RAB7A: variants seen among roughly 807,000 people sequenced by gnomAD.
RAB7A encodes ras-related protein Rab-7a.
A neutral mutation model predicts 24.5 loss-of-function variants in RAB7A; 2 were observed. That is an observed-to-expected ratio of 0.08 (90% CI 0.03 to 0.26). The LOEUF (loss-of-function observed/expected upper bound fraction) is 0.26. Ranked by LOEUF, RAB7A falls within the 10% of genes least tolerant of loss-of-function variation. RAB7A has a pLI of 1.00. For synonymous variants in RAB7A, 100 were observed against 95.9 expected, an observed-to-expected ratio of 1.04 and a Z score of -0.25; for missense variants, 118 against 255.7, an observed-to-expected ratio of 0.46 and a Z score of 3.67.
intron 1 of RAB7A, among the ~76,000 whole-genome samples, chr3:128,756,495 CA>C (rs1559784293): frequency 6.6e-6 from 1 of 151,986 alleles, no homozygotes; most frequent in South Asian, 2.1e-4. Context: ...CAAAACATTG[CA>C]AAAAGAAATT....
intron 1 of RAB7A, among the ~76,000 whole-genome samples, chr3:128,762,244 G>A (rs1193833936): frequency 6.6e-6 from 1 of 152,148 alleles, no homozygotes; most frequent in Non-Finnish European, 1.5e-5. Context: ...AGACTTTCCT[G>A]TGTGAAGATT....
intron 2 of RAB7A, 150 bp downstream of exon 2, chr3:128,795,570 C>A: frequency 1.3e-6 from 1 of 752,300 alleles, no homozygotes; most frequent in Non-Finnish European, 2.4e-6. Context: ...TTTAGATGAT[C>A]CCTTGTTATA....
chr3:128,775,082 G>A (rs574499101), intron 1 of RAB7A, among the ~76,000 whole-genome samples: 6 of 152,316 alleles, frequency 3.9e-5, no homozygotes, highest in South Asian at 2.1e-4. Context: ...GCGCCCGGCC[G>A]ACATCCCTTC....
intron 1 of RAB7A, among the ~76,000 whole-genome samples, chr3:128,763,208 A>ATATATATTTTT (rs373993932): frequency 1.8e-4 from 14 of 76,060 alleles, no homozygotes; most frequent in African/African-American, 1.1e-3. Context: ...ATATATATAT[A>ATATATATTTTT]TTTTTTTTTT....
At chr3:128,772,825 C>T (rs1026238905) in intron 1 of RAB7A, among the ~76,000 whole-genome samples, 1 of 152,246 alleles carries the variant, frequency 6.6e-6, no homozygotes, top group Non-Finnish European at 1.5e-5. Context: ...CTCCTAACCG[C>T]GAGTGATCTG....
chr3:128,800,479 G>A (rs1933675335), intron 3 of RAB7A, among the ~76,000 whole-genome samples: 1 of 152,138 alleles, frequency 6.6e-6, no homozygotes, highest in South Asian at 2.1e-4. Flanking sequence ...ACCTTGGGGC[G>A]CTGCACTCTT....
intron 1 of RAB7A, among the ~76,000 whole-genome samples, chr3:128,772,705 CAATT>C (rs1250548623): frequency 6.6e-6 from 1 of 152,216 alleles, no homozygotes; most frequent in East Asian, 1.9e-4. Context: ...TTGGAAGACT[CAATT>C]AAGGGTTTAA....
At chr3:128,764,812 T>G in intron 1 of RAB7A, 3 of 922,586 alleles carry the variant, frequency 3.3e-6, no homozygotes, top group Non-Finnish European at 5.3e-6. Context: ...CTTCATCAGT[T>G]TCTCGGCATG....
At chr3:128,781,235 A>G in intron 1 of RAB7A, among the ~76,000 whole-genome samples, 1 of 152,216 alleles carries the variant, frequency 6.6e-6, no homozygotes, top group East Asian at 1.9e-4. Flanking sequence ...TTAAGTGCAT[A>G]TTTTTCATTT....
chr3:128,809,934 G>GTTTTTT (rs1231077081), intron 5 of RAB7A, among the ~76,000 whole-genome samples: 5 of 47,546 alleles, frequency 1.1e-4, no homozygotes, highest in East Asian at 5.6e-4. Flanking sequence ...TCTTGCCACA[G>GTTTTTT]TCTTTTTTTT....
intron 1 of RAB7A, among the ~76,000 whole-genome samples, chr3:128,785,877 G>C (rs1242368725): frequency 6.6e-6 from 1 of 151,866 alleles, no homozygotes; most frequent in Admixed American, 6.6e-5. Flanking sequence ...CTTTTCAAAG[G>C]CTTCTGTCTT....
At chr3:128,746,702 G>T (rs2070619313) in intron 1 of RAB7A, among the ~76,000 whole-genome samples, 1 of 151,596 alleles carries the variant, frequency 6.6e-6, no homozygotes. Flanking sequence ...CTAATTTTTT[G>T]TATTTTTTAG....
At chr3:128,778,105 T>C (rs919793375) in intron 1 of RAB7A, among the ~76,000 whole-genome samples, 3 of 152,194 alleles carry the variant, frequency 2.0e-5, no homozygotes, top group Non-Finnish European at 4.4e-5. Flanking sequence ...AATTGAGTCT[T>C]GAGATGTTTG....
chr3:128,731,999 A>G (rs1308319256), intron 1 of RAB7A, among the ~76,000 whole-genome samples: 10 of 143,530 alleles, frequency 7.0e-5, no homozygotes, highest in Middle Eastern at 7.6e-3. Flanking sequence ...GCAAGATTCC[A>G]TCTCAAAAAA....
At chr3:128,727,956 CTT>C (rs540873200) in intron 1 of RAB7A, among the ~76,000 whole-genome samples, 2 of 145,362 alleles carry the variant, frequency 1.4e-5, no homozygotes, top group African/African-American at 2.5e-5. Context: ...TCATATTTGT[CTT>C]TTTTTTTTTT....
chr3:128,774,730 G>GC (rs1392253732), intron 1 of RAB7A, among the ~76,000 whole-genome samples: 2 of 151,998 alleles, frequency 1.3e-5, no homozygotes, highest in African/African-American at 4.8e-5. Flanking sequence ...CCGCCACCAC[G>GC]CCCAGCTAAT....
chr3:128,742,850 C>G lies in RAB7A; in HGVS notation c.-9+16491C>G, dbSNP rs76710850. Reference sequence around the variant, plus strand: ...TTCAAGTCCCCACTCGACTCAGGAGCCCAGCTGGCTTCGCCTAGCGGATCC... The same window carrying G: ...TTCAAGTCCCCACTCGACTCAGGAGGCCAGCTGGCTTCGCCTAGCGGATCC... On this transcript the variant is annotated intron_variant, in intron 1 of 5. Coordinates refer to ENST00000265062, the MANE Select transcript of RAB7A (RefSeq NM_004637.6). 3.7e-4 allele frequency among the ~76,000 whole-genome samples: 56 copies of G among 152,386 alleles called. 1 individual carries two copies. The East Asian group carries it at 0.011, about 29-fold the overall frequency.
At chr3:128,755,764 G>T (rs151258722) in intron 1 of RAB7A, among the ~76,000 whole-genome samples, 66 of 152,078 alleles carry the variant, frequency 4.3e-4, no homozygotes, top group African/African-American at 1.5e-3. Flanking sequence ...ATGAATAATG[G>T]TAATGATTTT....
chr3:128,808,483 C>G (rs965780147), intron 5 of RAB7A, among the ~76,000 whole-genome samples: 4 of 152,224 alleles, frequency 2.6e-5, no homozygotes, highest in African/African-American at 9.6e-5. Context: ...TCTTCCAGCT[C>G]TCACATACTG....
Sources: allele counts gnomAD v4.1 joint callset (sites outside exome capture counted in the v4.1 genomes callset), GRCh38; gene constraint gnomAD v4.1.1; transcripts MANE v1.5; gene names NCBI Gene and HGNC (gene_info 2026-07-23, HGNC 2026-07-21).